Variants in GRIP1 observed in about 807,000 individuals in gnomAD.
GRIP1 encodes glutamate receptor-interacting protein 1.
Under a neutral mutation model 129.9 loss-of-function variants are expected in GRIP1, and 45 were observed. The observed-to-expected ratio is 0.35, with a 90% CI of 0.27 to 0.44. The LOEUF (loss-of-function observed/expected upper bound fraction) is 0.44. Ranked by LOEUF, GRIP1 falls within the 20% of genes least tolerant of loss-of-function variation. The pLI, the probability that GRIP1 is intolerant of heterozygous loss-of-function variation, is 1.00. For missense variants in GRIP1, 1,196 were observed against 1,396.8 expected (o/e 0.86, Z 2.29); for synonymous variants, 530 against 520.8 (o/e 1.02, Z -0.24).
At chr12:66,557,055 A>G (rs1007646337) in intron 2 of GRIP1, among the ~76,000 whole-genome samples, 28 of 152,114 alleles carry the variant, frequency 1.8e-4, no homozygotes, top group African/African-American at 6.8e-4. Flanking sequence ...ATAAAAAAAA[A>G]GACTCAACTA....
intron 1 of GRIP1, among the ~76,000 whole-genome samples, chr12:66,730,637 T>C (rs2136494499): frequency 7.3e-6 from 1 of 136,130 alleles, no homozygotes; most frequent in Non-Finnish European, 1.5e-5. Flanking sequence ...TACTTGCTCT[T>C]AAGTACAAGC....
intron 1 of GRIP1, among the ~76,000 whole-genome samples, chr12:66,831,014 T>C (rs1450630292): frequency 5.9e-5 from 9 of 151,846 alleles, no homozygotes; most frequent in Non-Finnish European, 5.9e-5. Context: ...ACTTGGGTAA[T>C]TTTTTTATTT....
chr12:66,895,256 G>C (rs2040726871), intron 1 of GRIP1, among the ~76,000 whole-genome samples: 1 of 152,110 alleles, frequency 6.6e-6, no homozygotes, highest in African/African-American at 2.4e-5. Context: ...TGAATCAAGG[G>C]GGTGGGTTTT....
chr12:66,738,695 A>G (rs999959272), intron 1 of GRIP1, among the ~76,000 whole-genome samples: 5 of 152,292 alleles, frequency 3.3e-5, no homozygotes, highest in Admixed American at 1.3e-4. Flanking sequence ...CCCCAGTGAT[A>G]GTCCAGGGGA....
At position 66,815,022 on chromosome 12, in the gene GRIP1, C is replaced by T. The variant is rs186251131; in HGVS notation, c.59-218095G>A. Among the ~76,000 whole-genome samples the T allele has an allele frequency of 4.6e-5, 7 of 152,298 alleles. No homozygotes were observed. The South Asian group carries it at 1.0e-3, about 23-fold the overall frequency. On this transcript the variant is annotated intron_variant, in intron 1 of 1. Transcript: ENST00000643019. The stretch of plus-strand genomic sequence containing the variant: ...TGACAAATAGGGATTATAGGGATTA[C>T]AATTCGAGATGAGATTTTGGGTGGG...
chr12:66,870,978 T>C (rs901535315), intron 1 of GRIP1, among the ~76,000 whole-genome samples: 1 of 152,114 alleles, frequency 6.6e-6, no homozygotes, highest in African/African-American at 2.4e-5. Context: ...AAAGCCTAAT[T>C]TTTACCATTT....
intron 1 of GRIP1, among the ~76,000 whole-genome samples, chr12:66,743,763 G>C (rs1212030239): frequency 1.3e-5 from 2 of 152,078 alleles, no homozygotes; most frequent in Admixed American, 1.3e-4. Context: ...TGGTGTGCCG[G>C]TAAATTAATC....
At position 66,469,181 on chromosome 12, in the gene GRIP1, C is replaced by T. The variant is rs193129591; in HGVS notation, c.725-3759G>A. ...TATATCATCAACTCAGCATGTGGCCCGAGCCATCATCTCCCTTAGACCTCA... is the reference window on the plus strand; with the variant it reads ...TATATCATCAACTCAGCATGTGGCCTGAGCCATCATCTCCCTTAGACCTCA... On this transcript the variant is annotated intron_variant, in intron 7 of 24. Coordinates refer to ENST00000359742, the MANE Select transcript of GRIP1 (RefSeq NM_001366722.1). Among the ~76,000 whole-genome samples the T allele has an allele frequency of 2.6e-5, 4 of 152,194 alleles. No individual in the cohort carries two copies. The East Asian group carries it at 5.8e-4, about 22-fold the overall frequency.
At position 66,845,514 on chromosome 12, in the gene GRIP1, GGT is replaced by G. The variant is rs536706363; in HGVS notation, c.58+223534_58+223535del. 2.2e-4 allele frequency among the ~76,000 whole-genome samples: 34 copies of G among 152,128 alleles called. No individual in the cohort carries two copies. The South Asian group carries it at 6.8e-3, about 31-fold the overall frequency. ...GAACATTTGATAATACATGCTTTCT[GGT>G]ATTAATTTTTGCATTCCACTTCTAT... is the stretch of plus-strand genomic sequence containing the variant. On this transcript the variant is annotated intron_variant, in intron 1 of 1. Transcript: ENST00000643019.
intron 1 of GRIP1, among the ~76,000 whole-genome samples, chr12:66,729,287 C>A (rs1193434758): frequency 6.6e-6 from 1 of 151,946 alleles, no homozygotes; most frequent in Non-Finnish European, 1.5e-5. Flanking sequence ...AGGTTTTTGG[C>A]TAGTATTAAG....
rs2060472680 is a variant in GRIP1, at chr12:66,504,442, A to G, written c.724+11177T>C. On this transcript the variant is annotated intron_variant, in intron 7 of 24. Transcript: ENST00000359742. ...TAGATATGGACTGGTTCTTTGGTCTAGTGGCTTGAATCTCACTTGGGTCTC... is the reference window on the plus strand; with the variant it reads ...TAGATATGGACTGGTTCTTTGGTCTGGTGGCTTGAATCTCACTTGGGTCTC... Among the ~76,000 whole-genome samples the G allele has an allele frequency of 2.0e-5, 3 of 152,200 alleles. No individual in the cohort carries two copies. In the South Asian group the frequency reaches 6.2e-4, roughly 32 times the overall value.
At position 66,462,801 on chromosome 12, in the gene GRIP1, C is replaced by CAAA. The variant is rs34456744; in HGVS notation, c.1042+120_1042+122dup. 808 of 361,560 alleles carry CAAA rather than the reference C, an allele frequency of 2.2e-3. 5 individuals are homozygous for CAAA. The highest frequency in any genetic ancestry group is 5.2e-3 in the Middle Eastern group (6 of 1,156). 22.4% of individuals were successfully genotyped at this position (361,560 alleles called of 1,614,324 possible). On this transcript the variant is annotated intron_variant, in intron 9 of 24. Transcript: ENST00000359742. ...TGGGGGACAGAGTGAGACTCCATCT[C>CAAA]AAAAAAAAAAAAAAAAAAAAAAGGC...
At chr12:67,049,775 T>C (rs941231342) in intron 1 of GRIP1, among the ~76,000 whole-genome samples, 62 of 151,914 alleles carry the variant, frequency 4.1e-4, no homozygotes, top group Middle Eastern at 3.4e-3. Flanking sequence ...CCTTTGCTCA[T>C]TGATAAAATG....
intron 5 of GRIP1, among the ~76,000 whole-genome samples, chr12:66,520,167 T>A (rs2060958567): frequency 6.6e-6 from 1 of 152,206 alleles, no homozygotes; most frequent in South Asian, 2.1e-4. Context: ...TTCCTGACTG[T>A]CCTAGTATTT....
intron 1 of GRIP1, among the ~76,000 whole-genome samples, chr12:66,635,278 G>A (rs2031248454): frequency 6.6e-6 from 1 of 151,784 alleles, no homozygotes; most frequent in South Asian, 2.1e-4. Context: ...AATTAGCTGG[G>A]CGTGGCGATG....
intron 8 of GRIP1, among the ~76,000 whole-genome samples, chr12:66,464,950 C>CTTTTTTTTTTTTT (rs1565768619): frequency 1.7e-5 from 2 of 118,190 alleles, no homozygotes. Flanking sequence ...TTCTTTCTTT[C>CTTTTTTTTTTTTT]TTTCTTTTTT....
At chr12:66,399,974 C>T (rs2056926568) in intron 16 of GRIP1, among the ~76,000 whole-genome samples, 1 of 151,838 alleles carries the variant, frequency 6.6e-6, no homozygotes, top group Non-Finnish European at 1.5e-5. Context: ...AATGATATAC[C>T]AAGAGATGTC....
At chr12:67,046,844 C>T (rs1470650640) in intron 1 of GRIP1, among the ~76,000 whole-genome samples, 1 of 152,156 alleles carries the variant, frequency 6.6e-6, no homozygotes, top group Non-Finnish European at 1.5e-5. Context: ...AAATTCCCTC[C>T]TCCTACTTTA....
At chr12:66,902,979 G>A (rs548787552) in intron 1 of GRIP1, among the ~76,000 whole-genome samples, 1 of 152,068 alleles carries the variant, frequency 6.6e-6, no homozygotes, top group African/African-American at 2.4e-5. Context: ...ATGGAGTTCT[G>A]ATTTGTTTAT....
Sources: gnomAD v4.1 joint callset for allele counts (sites outside exome capture counted in the v4.1 genomes callset) on GRCh38, gnomAD v4.1.1 for gene constraint, MANE v1.5 for transcripts, NCBI Gene and HGNC (gene_info 2026-07-23, HGNC 2026-07-21) for gene names.